Variants in RNF217 observed in about 807,000 individuals in gnomAD.
RNF217 encodes E3 ubiquitin-protein ligase RNF217.
In RNF217, 31 loss-of-function variants were observed where a neutral mutation model predicts 57.8. That is an observed-to-expected ratio of 0.54 (90% CI 0.40 to 0.72). The LOEUF (loss-of-function observed/expected upper bound fraction) is 0.72, where lower values mean the gene tolerates loss of function less well. RNF217 is among the 30% of genes least tolerant of loss of function. The pLI is 0.00. For missense variants in RNF217, 696 were observed against 708.3 expected (o/e 0.98, Z 0.20); for synonymous variants, 313 against 294.0 (o/e 1.06, Z -0.66).
chr6:124,984,052 A>C (rs1358471781), intron 1 of RNF217, among the ~76,000 whole-genome samples: 1 of 152,156 alleles, frequency 6.6e-6, no homozygotes, highest in Non-Finnish European at 1.5e-5. Context: ...ATCACCTCCC[A>C]AAAGCCCCAC....
rs1788733104 is a variant in RNF217, at chr6:125,085,068, T to C, written c.*2131T>C. 1 of 151,158 alleles carries C rather than the reference T, an allele frequency of 6.6e-6. No homozygotes were observed. Among genetic ancestry groups the C allele is most frequent in the African/African-American group, 2.4e-5 (1 of 41,384 alleles). 9.4% of individuals were successfully genotyped at this position (151,158 alleles called of 1,614,324 possible). On this transcript the variant is annotated 3_prime_UTR_variant, in exon 6 of 6. Transcript: ENST00000521654. Reference sequence around the variant, plus strand: ...TATGAAATATTCCCATAACTGCATATGAACACATATGCCATATACATATAT... The same window carrying C: ...TATGAAATATTCCCATAACTGCATACGAACACATATGCCATATACATATAT...
chr6:125,000,230 T>A (rs1163602554), intron 1 of RNF217, among the ~76,000 whole-genome samples: 1 of 152,174 alleles, frequency 6.6e-6, no homozygotes. Flanking sequence ...GGTGTTTTAG[T>A]TTGTTTGCGA....
In RNF217 at chr6:125,089,844, T is replaced by C. The variant is rs1788881769; in HGVS notation, c.*6907T>C. On this transcript the variant is annotated 3_prime_UTR_variant, in exon 6 of 6. Coordinates refer to ENST00000521654, the MANE Select transcript of RNF217 (RefSeq NM_001286398.3). ...TCCTTAAAAACAGCATTTTTGTGAA[T>C]GTATTACTTCTTCAATATCCCCATA... is the stretch of plus-strand genomic sequence containing the variant. 1 of 152,202 alleles carries C rather than the reference T, an allele frequency of 6.6e-6. No individual in the cohort carries two copies. 9.4% of individuals were successfully genotyped at this position (152,202 alleles called of 1,614,324 possible). A position where few individuals can be genotyped will look rare whatever the true frequency, so the allele number is the denominator to read the frequency against.
At chr6:124,972,950 A>T (rs1377135294) in intron 1 of RNF217, among the ~76,000 whole-genome samples, 1 of 152,176 alleles carries the variant, frequency 6.6e-6, no homozygotes, top group African/African-American at 2.4e-5. Context: ...ATGCATGTAA[A>T]GACATTATTA....
At chr6:124,988,151 G>A (rs760565011) in intron 1 of RNF217, among the ~76,000 whole-genome samples, 6 of 152,040 alleles carry the variant, frequency 3.9e-5, no homozygotes, top group South Asian at 4.2e-4. Context: ...TGGGTTGCAC[G>A]CTCCTTATGA....
intron 1 of RNF217, among the ~76,000 whole-genome samples, chr6:124,965,249 A>G (rs144101351): frequency 2.0e-5 from 3 of 152,254 alleles, no homozygotes; most frequent in East Asian, 3.9e-4. Context: ...CCTTCTTCCA[A>G]AGTATTTGCT....
intron 3 of RNF217, among the ~76,000 whole-genome samples, chr6:125,074,018 T>A (rs921282795): frequency 6.6e-6 from 1 of 152,146 alleles, no homozygotes; most frequent in African/African-American, 2.4e-5. Flanking sequence ...TCAAAGCTCA[T>A]GTTCTTTCCA....
chr6:125,009,277 A>T (rs1418576105), intron 1 of RNF217: 3 of 1,604,684 alleles, frequency 1.9e-6, no homozygotes, highest in Admixed American at 1.7e-5. Flanking sequence ...CAAGAAAGGG[A>T]TGAAGGTAAA....
At chr6:125,012,131 A>G (rs1785438236) in intron 1 of RNF217, among the ~76,000 whole-genome samples, 4 of 152,200 alleles carry the variant, frequency 2.6e-5, no homozygotes, top group African/African-American at 7.2e-5. Flanking sequence ...AAAAGAAACA[A>G]TAAGAAACTA....
chr6:124,998,718 T>A (rs1456475426), intron 1 of RNF217, among the ~76,000 whole-genome samples: 1 of 152,110 alleles, frequency 6.6e-6, no homozygotes. Flanking sequence ...GGAGAATCGT[T>A]TGAACCTGGG....
chr6:125,001,729 C>T (rs1784994060), intron 1 of RNF217, among the ~76,000 whole-genome samples: 1 of 152,174 alleles, frequency 6.6e-6, no homozygotes, highest in Admixed American at 6.5e-5. Flanking sequence ...GATAGGAACA[C>T]ATTGTAATGA....
At chr6:124,995,185 C>T (rs1784704135) in intron 1 of RNF217, among the ~76,000 whole-genome samples, 1 of 152,122 alleles carries the variant, frequency 6.6e-6, no homozygotes, top group African/African-American at 2.4e-5. Flanking sequence ...CCTCTAATCT[C>T]TTTTACAGAT....
intron 3 of RNF217, among the ~76,000 whole-genome samples, chr6:125,072,401 A>C (rs183425530): frequency 6.6e-6 from 1 of 152,338 alleles, no homozygotes; most frequent in African/African-American, 2.4e-5. Context: ...CAAGGTTACT[A>C]TAGAGCTTAC....
Position 124,963,387 on chromosome 6 carries a change from C to T in RNF217, c.843C>T (p.Ala281=), listed in dbSNP as rs1254644742. 6 of 1,505,936 alleles carry T rather than the reference C, an allele frequency of 4.0e-6. No individual in the cohort carries two copies. Among genetic ancestry groups the T allele is most frequent in the South Asian group, 1.3e-5 (1 of 78,690 alleles). 93.3% of individuals were successfully genotyped at this position (1,505,936 alleles called of 1,614,324 possible). The part of the protein sequence containing the change: ...PIKPLPCCKK[A]VCEECLKVYL... Reference sequence around the variant, plus strand: ...AGCCCCTGCCTTGCTGCAAGAAGGCCGTGTGCGAGGAGTGCCTCAAAGTCT... The same window carrying T: ...AGCCCCTGCCTTGCTGCAAGAAGGCTGTGTGCGAGGAGTGCCTCAAAGTCT... Residue 281 remains alanine, a synonymous_variant, in exon 1 of 6, where the codon GCC becomes GCT. Transcript: ENST00000521654.
At chr6:124,984,495 G>A (rs964762511) in intron 1 of RNF217, among the ~76,000 whole-genome samples, 1 of 147,500 alleles carries the variant, frequency 6.8e-6, no homozygotes, top group Non-Finnish European at 1.5e-5. Context: ...GCTGCAGTGC[G>A]TTGTGATCAC....
intron 1 of RNF217, among the ~76,000 whole-genome samples, chr6:125,037,062 A>G (rs2114498092): frequency 6.6e-6 from 1 of 150,796 alleles, no homozygotes; most frequent in Non-Finnish European, 1.5e-5. Flanking sequence ...TATTAAACCA[A>G]CAGCACAATT....
chr6:125,065,080 C>T (rs1787886637), intron 3 of RNF217, among the ~76,000 whole-genome samples: 1 of 151,698 alleles, frequency 6.6e-6, no homozygotes, highest in Admixed American at 6.6e-5. Context: ...TCGAGATCAT[C>T]CTGGCTAACA....
At chr6:125,037,148 C>G (rs1786668775) in intron 1 of RNF217, among the ~76,000 whole-genome samples, 1 of 149,870 alleles carries the variant, frequency 6.7e-6, no homozygotes, top group South Asian at 2.1e-4. Flanking sequence ...ATTCTCTTTT[C>G]TGTTCCATTG....
In RNF217 at chr6:125,091,887, C is replaced by T. The variant is rs1788963767; in HGVS notation, c.*8950C>T. 1 of 152,080 alleles carries T rather than the reference C, an allele frequency of 6.6e-6. No individual in the cohort carries two copies. The highest frequency in any genetic ancestry group is 6.5e-5 in the Admixed American group (1 of 15,270). The allele number at this position is 152,080 out of a possible 1,614,324, so 9.4% of individuals were successfully genotyped here. On this transcript the variant is annotated 3_prime_UTR_variant, in exon 6 of 6. Transcript: ENST00000521654. ...TGTTTATATAATATGTTATTTTGCT[C>T]TTCTTGATCTGTGCCTTTTGTTTTA...
Sources: gnomAD v4.1 joint callset for allele counts (sites outside exome capture counted in the v4.1 genomes callset) on GRCh38, gnomAD v4.1.1 for gene constraint, MANE v1.5 for transcripts, NCBI Gene and HGNC (gene_info 2026-07-23, HGNC 2026-07-21) for gene names.